Variants in TSGA13 observed in about 807,000 individuals in gnomAD.
TSGA13 encodes testis-specific gene 13 protein.
In TSGA13, 37 loss-of-function variants were observed where a neutral mutation model predicts 35.1. That is an observed-to-expected ratio of 1.05 (90% CI 0.81 to 1.39). The LOEUF is 1.39. Ranked by LOEUF, TSGA13 falls within the 40% of genes most tolerant of loss-of-function variation. The pLI is 0.00. For synonymous variants in TSGA13, 124 were observed against 121.2 expected (o/e 1.02, Z -0.15); for missense variants, 338 against 328.5 (o/e 1.03, Z -0.22).
chr7:130,679,890 G>A (rs185114126), intron 4 of TSGA13, among the ~76,000 whole-genome samples: 38 of 152,260 alleles, frequency 2.5e-4, no homozygotes, highest in Admixed American at 3.9e-4. Flanking sequence ...GCATTCCCCT[G>A]GAAATACACT....
chr7:130,669,521 T>C (rs1262806252), intron 7 of TSGA13, among the ~76,000 whole-genome samples: 1 of 152,232 alleles, frequency 6.6e-6, no homozygotes, highest in Non-Finnish European at 1.5e-5. Context: ...TCTCAGAGTG[T>C]ATGCTGGCTT....
At chr7:130,682,801 A>C (rs1796578625) in intron 3 of TSGA13, among the ~76,000 whole-genome samples, 1 of 152,180 alleles carries the variant, frequency 6.6e-6, no homozygotes, top group African/African-American at 2.4e-5. Flanking sequence ...AAGCATAGCA[A>C]AGCCACTCCA....
At chr7:130,679,043 AAATT>A in intron 5 of TSGA13, 108 bp downstream of exon 5, 3 of 926,142 alleles carry the variant, frequency 3.2e-6, no homozygotes, top group Non-Finnish European at 3.3e-6. Context: ...ACAAACAAAA[AAATT>A]AAGAGGTTTT....
intron 2 of TSGA13, 91 bp from the exon 3 acceptor site, chr7:130,683,763 G>GGCTT: frequency 8.5e-7 from 1 of 1,182,578 alleles, no homozygotes. Flanking sequence ...AAGTTTGGAA[G>GGCTT]CCTAACTCAG....
In TSGA13 at chr7:130,683,594, C is replaced by T. The variant is rs782413107; in HGVS notation, c.102G>A (p.Glu34=). 6.2e-7 allele frequency: 1 copy of T among 1,613,562 alleles called. No homozygotes were observed. The highest frequency in any genetic ancestry group is 1.7e-5 in the Admixed American group (1 of 59,964). ...TTGAACACTTACTAACACTCCTTAC[C>T]TCTTTGCTATTGACAACCATTCCTT... The part of the protein sequence containing the change: ...REKGMVVNSK[E]ISDAVGQSKF... Residue 34 remains glutamate, a splice_region_variant and synonymous_variant, in exon 3 of 8, where the codon GAG becomes GAA. Transcript: ENST00000356588.
rs782814125 is a variant in TSGA13 at position 130,683,556 on chromosome 7, G to T, written c.102+38C>A. 3.8e-6 allele frequency: 6 copies of T among 1,592,138 alleles called. No individual in the cohort carries two copies. The Admixed American group carries it at 8.8e-5, about 23-fold the overall frequency. On this transcript the variant is annotated intron_variant, in intron 3 of 7. Transcript: ENST00000356588. The stretch of plus-strand genomic sequence containing the variant: ...ATTAAGTACACTAAGCAGCTCCAAA[G>T]AAAAATTAAACATTGAACACTTACT...
intron 5 of TSGA13, among the ~76,000 whole-genome samples, chr7:130,675,815 G>A (rs1171367959): frequency 6.6e-6 from 1 of 152,212 alleles, no homozygotes; most frequent in Non-Finnish European, 1.5e-5. Flanking sequence ...ATGTTGGTAG[G>A]TTGGTTGGTT....
upstream of TSGA13, chr7:130,687,270 C>G (rs1055345965): frequency 1.3e-5 from 2 of 152,194 alleles, no homozygotes; most frequent in African/African-American, 2.4e-5. Flanking sequence ...ACTATAGTCA[C>G]TGGGTTTTGT....
At position 130,669,053 on chromosome 7, in the gene TSGA13, G is replaced by C. The variant is rs1452007879; in HGVS notation, c.789C>G (p.Ala263=). Residue 263 remains alanine, a synonymous_variant, in exon 8 of 8, where the codon GCC becomes GCG. Coordinates refer to ENST00000356588, the MANE Select transcript of TSGA13 (RefSeq NM_052933.4). The part of the protein sequence containing the change: ...PGESAFRNGR[A]PQWIIKKATV... The stretch of plus-strand genomic sequence containing the variant: ...TGGCCTTTTTGATAATCCACTGCGG[G>C]GCCCTCCCGTTGCGGAAGGCGCTCT... The C allele has an allele frequency of 1.2e-6, 2 of 1,614,182 alleles. No individual in the cohort carries two copies.
intron 7 of TSGA13, among the ~76,000 whole-genome samples, chr7:130,670,912 C>A (rs563658585): frequency 6.6e-6 from 1 of 152,322 alleles, no homozygotes; most frequent in East Asian, 1.9e-4. Flanking sequence ...CGGACACGCC[C>A]AGCCTGTCAA....
Position 130,669,127 on chromosome 7 carries a change from T to G in TSGA13, c.715A>C (p.Thr239Pro), listed in dbSNP as rs201291303. The G allele has an allele frequency of 7.1e-4, 1,152 of 1,614,216 alleles. 18 individuals carry two copies. In the South Asian group the frequency reaches 0.012, roughly 17 times the overall value. Residue 239 changes from threonine to proline, a missense_variant, in exon 8 of 8, where the codon ACA (threonine) becomes CCA (proline). Thr to Pro is a conservative substitution (Grantham distance 38). Coordinates refer to ENST00000356588, the MANE Select transcript of TSGA13 (RefSeq NM_052933.4). ...PISKVIREPL[T>P]LASLLEDMPT... ...ATGTCTTCCAAGAGCGATGCGAGTG[T>G]CAGTGGTTCCCGAATCACTTTGGAA...
intron 3 of TSGA13, among the ~76,000 whole-genome samples, chr7:130,681,767 T>A (rs1554465122): frequency 6.6e-6 from 1 of 152,124 alleles, no homozygotes; most frequent in Non-Finnish European, 1.5e-5. Flanking sequence ...TGACCTAGTG[T>A]TCTTGCTTCT....
chr7:130,669,009 T>A lies in TSGA13; in HGVS notation c.*5A>T, dbSNP rs1796178417. 1.2e-6 allele frequency: 2 copies of A among 1,613,804 alleles called. No homozygotes were observed. The highest frequency in any genetic ancestry group is 2.7e-5 in the African/African-American group (2 of 75,050). On this transcript the variant is annotated 3_prime_UTR_variant, in exon 8 of 8. Transcript: ENST00000356588. Reference sequence around the variant, plus strand: ...AGCGAGGCGGGAGGACTGAGGGGTCTGTGTTCACCCGATGACCGTGGCCTT... The same window carrying A: ...AGCGAGGCGGGAGGACTGAGGGGTCAGTGTTCACCCGATGACCGTGGCCTT...
chr7:130,680,874 C>CT (rs1182187512), intron 4 of TSGA13, 72 bp downstream of exon 4: 10 of 1,392,458 alleles, frequency 7.2e-6, no homozygotes, highest in Non-Finnish European at 9.2e-6. Context: ...ATTAGGGACA[C>CT]TCGCAGTGGG....
chr7:130,679,123 C>T (rs376511751), intron 5 of TSGA13, 32 bp downstream of exon 5: 104 of 1,555,096 alleles, frequency 6.7e-5, no homozygotes, highest in Non-Finnish European at 8.9e-5. Flanking sequence ...CGTCAGGGTT[C>T]ACATTTTGGG....
In TSGA13 at chr7:130,677,710, C is replaced by T. The variant is rs577278124; in HGVS notation, c.387+1445G>A. On this transcript the variant is annotated intron_variant, in intron 5 of 7. Transcript: ENST00000356588. ...AAAGTGCTGGGATTACAGGCGTGAG[C>T]CACTGCGCCTGGCCCTGCCATTTAC... Among the ~76,000 whole-genome samples, 18 of 152,188 alleles carry T rather than the reference C, an allele frequency of 1.2e-4. No homozygotes were observed. The South Asian group carries it at 3.7e-3, about 32-fold the overall frequency.
At chr7:130,686,695 C>CACAG (rs1796665910), upstream of TSGA13, 1 of 19,050 alleles carries the variant, frequency 5.2e-5, no homozygotes, top group Non-Finnish European at 1.3e-4. Flanking sequence ...GACTTCTCTA[C>CACAG]ACACACACAC....
intron 5 of TSGA13, among the ~76,000 whole-genome samples, chr7:130,676,009 CTG>C (rs1213048759): frequency 6.6e-6 from 1 of 152,158 alleles, no homozygotes; most frequent in Non-Finnish European, 1.5e-5. Context: ...ACTCAGGAGA[CTG>C]TGGTAGGGTC....
rs200307277 is a variant in TSGA13, at chr7:130,679,367, C to T, written c.175G>A (p.Ala59Thr). The T allele has an allele frequency of 1.7e-5, 27 of 1,605,680 alleles. No homozygotes were observed. Among genetic ancestry groups the T allele is most frequent in the East Asian group, 4.5e-5 (2 of 44,848 alleles). Residue 59 changes from alanine (A) to threonine (T), a missense_variant and splice_region_variant, in exon 5 of 8, where the codon GCC becomes ACC. Ala to Thr is a moderately conservative substitution (Grantham distance 58). Transcript: ENST00000356588. ...LRHYTVHPNL[A>T]QYYKPLKATA... ...GCCTTCAAAGGCTTATAGTACTGGGCCTGAACAGACAGAAAGGTTTCCAGA... is the reference window on the plus strand; with the variant it reads ...GCCTTCAAAGGCTTATAGTACTGGGTCTGAACAGACAGAAAGGTTTCCAGA...
Sources: allele counts gnomAD v4.1 joint callset (sites outside exome capture counted in the v4.1 genomes callset), GRCh38; gene constraint gnomAD v4.1.1; transcripts MANE v1.5; gene names NCBI Gene and HGNC (gene_info 2026-07-23, HGNC 2026-07-21).